The following CEP43 variants were observed in gnomAD, a reference collection of about 807,000 sequenced individuals.
CEP43 encodes the protein centrosomal protein 43, also known as FGFR1 oncogene partner.
Under a neutral mutation model 52.6 loss-of-function variants are expected in CEP43, and 36 were observed. The ratio of observed to expected loss-of-function variants is 0.68; its 90% confidence interval spans 0.52 to 0.90. CEP43 has a LOEUF of 0.90. CEP43 is among the 40% of genes least tolerant of loss of function. The pLI, the probability that CEP43 is intolerant of heterozygous loss-of-function variation, is 0.00. For missense variants in CEP43, 506 were observed against 472.8 expected (o/e 1.07, Z -0.65); for synonymous variants, 192 against 172.4 (o/e 1.11, Z -0.89).
In CEP43 at chr6:167,042,236, A is replaced by G. The variant is rs933672120; in HGVS notation, c.*2258A>G. 1 of 1,006,900 alleles carries G rather than the reference A, an allele frequency of 9.9e-7. No homozygotes were observed. The highest frequency in any genetic ancestry group is 1.7e-5 in the African/African-American group (1 of 58,036). The allele number at this position is 1,006,900 out of a possible 1,614,324, so 62.4% of individuals were successfully genotyped here. On this transcript the variant is annotated 3_prime_UTR_variant, in exon 13 of 13. Coordinates refer to ENST00000366847, the MANE Select transcript of CEP43 (RefSeq NM_007045.4). ...TCAACTTATGAAACTTGAAGATGTGAAGTGACAGGTTTTGCATGTGATGAG... is the reference window on the plus strand; with the variant it reads ...TCAACTTATGAAACTTGAAGATGTGGAGTGACAGGTTTTGCATGTGATGAG...
rs75500301 is a variant in CEP43, at chr6:167,038,218, G to A, written c.1126-1686G>A. On this transcript the variant is annotated intron_variant, in intron 12 of 12. Coordinates refer to ENST00000366847, the MANE Select transcript of CEP43 (RefSeq NM_007045.4). ...TTCTAGTTTACAAGTAGTTTAAACA[G>A]AAGTAGAAATGAGTCGTTTCTTACA... Among the ~76,000 whole-genome samples the A allele has an allele frequency of 8.4e-3, 1,286 of 152,322 alleles. 12 individuals are homozygous for A. Among genetic ancestry groups the A allele is most frequent in the African/African-American group, 0.029 (1,210 of 41,564 alleles).
intron 12 of CEP43, 50 bp from the exon 13 acceptor site, chr6:167,039,854 A>T: frequency 1.9e-6 from 3 of 1,598,396 alleles, no homozygotes; most frequent in Non-Finnish European, 1.7e-6. Context: ...ATAACTTAAG[A>T]CTACTCACAT....
At chr6:167,012,340 T>C (rs542611915) in intron 6 of CEP43, among the ~76,000 whole-genome samples, 4 of 152,260 alleles carry the variant, frequency 2.6e-5, no homozygotes, top group South Asian at 4.1e-4. Context: ...AGATTTCTAG[T>C]TGGTGTAGGG....
chr6:167,012,338 A>G lies in CEP43; in HGVS notation c.520-1170A>G, dbSNP rs527698757. Among the ~76,000 whole-genome samples the G allele has an allele frequency of 1.3e-4, 20 of 152,216 alleles. 2 individuals are homozygous for G. The South Asian group carries it at 3.9e-3, about 30-fold the overall frequency. ...TATAGTTGCTCCTTCTGAGATTTCT[A>G]GTTGGTGTAGGGAAGGCCTTTTTTT... On this transcript the variant is annotated intron_variant, in intron 6 of 12. Coordinates refer to ENST00000366847, the MANE Select transcript of CEP43 (RefSeq NM_007045.4).
intron 10 of CEP43, among the ~76,000 whole-genome samples, chr6:167,031,127 G>A (rs1471667490): frequency 6.6e-6 from 1 of 152,020 alleles, no homozygotes; most frequent in African/African-American, 2.4e-5. Flanking sequence ...TTGCAATGTT[G>A]CCCAGGCTGG....
chr6:167,029,374 C>T (rs915441690), intron 10 of CEP43, among the ~76,000 whole-genome samples: 26 of 152,190 alleles, frequency 1.7e-4, no homozygotes, highest in African/African-American at 5.8e-4. Flanking sequence ...TGCTTGGGAC[C>T]AGAAGTATTT....
chr6:167,030,179 G>A (rs1044195725), intron 10 of CEP43, among the ~76,000 whole-genome samples: 3 of 152,216 alleles, frequency 2.0e-5, no homozygotes, highest in Admixed American at 6.5e-5. Flanking sequence ...GGCTACAAAT[G>A]CTGCCAGGTG....
rs1780811385 is a variant in CEP43 at position 167,047,239 on chromosome 6, G to C, written c.*7261G>C. ...ATAGAATCACGAGGGAGGAGCACAG[G>C]CCACCCTAGACAGGAGGGGTCCCCT... On this transcript the variant is annotated 3_prime_UTR_variant, in exon 13 of 13. Coordinates refer to ENST00000366847, the MANE Select transcript of CEP43 (RefSeq NM_007045.4). 6.6e-6 allele frequency: 1 copy of C among 152,214 alleles called. No homozygotes were observed. Among genetic ancestry groups the C allele is most frequent in the Admixed American group, 6.5e-5 (1 of 15,278 alleles). The allele number at this position is 152,214 out of a possible 1,614,324, so 9.4% of individuals were successfully genotyped here.
intron 7 of CEP43, among the ~76,000 whole-genome samples, chr6:167,016,361 G>A (rs1780099714): frequency 6.6e-6 from 1 of 152,142 alleles, no homozygotes; most frequent in African/African-American, 2.4e-5. Context: ...GGGGTCAAGT[G>A]CCCACTTCAG....
chr6:167,001,493 G>A (rs979112884), intron 2 of CEP43, among the ~76,000 whole-genome samples: 1 of 152,070 alleles, frequency 6.6e-6, no homozygotes, highest in African/African-American at 2.4e-5. Flanking sequence ...ACCTGACTGA[G>A]ACTTATCCAC....
chr6:167,006,475 G>T (rs998817429), intron 5 of CEP43, among the ~76,000 whole-genome samples: 1 of 151,952 alleles, frequency 6.6e-6, no homozygotes, highest in Non-Finnish European at 1.5e-5. Context: ...TCGTGCCACC[G>T]CACTCCAGCC....
intron 7 of CEP43, among the ~76,000 whole-genome samples, chr6:167,019,103 GA>G (rs1780166205): frequency 6.6e-6 from 1 of 152,184 alleles, no homozygotes; most frequent in East Asian, 1.9e-4. Context: ...CCAGGGGACT[GA>G]ATAGCCAGCA....
chr6:167,003,747 C>G lies in CEP43; in HGVS notation c.236C>G (p.Ala79Gly), dbSNP rs776929086. The G allele has an allele frequency of 6.2e-7, 1 of 1,611,356 alleles. No homozygotes were observed. The highest frequency in any genetic ancestry group is 1.7e-5 in the Admixed American group (1 of 59,970). Residue 79 changes from alanine to glycine, a missense_variant, in exon 4 of 13, where the codon GCA (alanine) becomes GGA (glycine). Transcript: ENST00000366847. ...KDGRLVASLV[A>G]EFLQFFNLDF... is the part of the protein sequence containing the mutation. ...GGTCGTTTAGTGGCTAGTCTTGTTGCAGAATTTCTTCAGTTTTTTAACCTT... is the reference window on the plus strand; with the variant it reads ...GGTCGTTTAGTGGCTAGTCTTGTTGGAGAATTTCTTCAGTTTTTTAACCTT...
intron 1 of CEP43, 194 bp downstream of exon 1, chr6:166,999,708 C>G: frequency 8.2e-6 from 4 of 485,420 alleles, no homozygotes; most frequent in Non-Finnish European, 1.4e-5. Context: ...TCGTGTGGTC[C>G]CGGAGGGCAC....
At chr6:167,013,480 T>TA (rs1441919284) in intron 6 of CEP43, 28 bp from the exon 7 acceptor site, 2 of 1,579,538 alleles carry the variant, frequency 1.3e-6, no homozygotes, top group East Asian at 2.2e-5. Context: ...TATTTTGTGG[T>TA]AAAATCTCAT....
At chr6:167,012,616 A>G (rs1344170430) in intron 6 of CEP43, among the ~76,000 whole-genome samples, 1 of 152,216 alleles carries the variant, frequency 6.6e-6, no homozygotes, top group Non-Finnish European at 1.5e-5. Context: ...TTTTAAAGCA[A>G]ATTAGCAATC....
rs1780872568 is a variant in CEP43, at chr6:167,051,707, TC to T, written c.*11731del. On this transcript the variant is annotated 3_prime_UTR_variant, in exon 13 of 13. Transcript: ENST00000366847. ...ATACACTATTATCATTGTAAAATAT[TC>T]CTTTTTATCTCTAGTATTTTTTGTC... is the stretch of plus-strand genomic sequence containing the variant. 1 of 152,258 alleles carries T rather than the reference TC, an allele frequency of 6.6e-6. No homozygotes were observed. The highest frequency in any genetic ancestry group is 2.4e-5 in the African/African-American group (1 of 41,466). 9.4% of individuals were successfully genotyped at this position (152,258 alleles called of 1,614,324 possible).
At chr6:167,037,470 A>G (rs1357354338) in intron 12 of CEP43, among the ~76,000 whole-genome samples, 1 of 152,238 alleles carries the variant, frequency 6.6e-6, no homozygotes, top group Admixed American at 6.5e-5. Context: ...GTCTGTCTGC[A>G]AGCTTTTCTG....
At chr6:167,003,990 TTGC>T (rs1205786904) in intron 4 of CEP43, 179 bp downstream of exon 4, 2 of 597,880 alleles carry the variant, frequency 3.3e-6, no homozygotes, top group Non-Finnish European at 5.8e-6. Context: ...GGCACCAGTG[TTGC>T]TGCTTTGTGT....
Sources: gnomAD v4.1 joint callset for allele counts (sites outside exome capture counted in the v4.1 genomes callset) on GRCh38, gnomAD v4.1.1 for gene constraint, MANE v1.5 for transcripts, NCBI Gene and HGNC (gene_info 2026-07-23, HGNC 2026-07-21) for gene names.